The following BNIP2 variants were observed in gnomAD, a reference collection of about 807,000 sequenced individuals.
The protein encoded by BNIP2 is BCL2/adenovirus E1B 19 kDa protein-interacting protein 2.
BNIP2 carries 36 observed loss-of-function variants against 43.4 expected under a neutral mutation model. The ratio of observed to expected loss-of-function variants is 0.83; its 90% CI spans 0.64 to 1.10. The LOEUF (loss-of-function observed/expected upper bound fraction) is 1.10. Among genes scored for constraint, BNIP2 ranks in the 50% least tolerant of loss-of-function variants. The pLI, the probability that BNIP2 is intolerant of heterozygous loss-of-function variation, is 0.00. For synonymous variants in BNIP2, 146 were observed against 121.0 expected (o/e 1.21, Z -1.35); for missense variants, 417 against 374.1 (o/e 1.11, Z -0.95).
intron 1 of BNIP2, among the ~76,000 whole-genome samples, chr15:59,685,345 C>A (rs1173268312): frequency 6.6e-6 from 1 of 151,982 alleles, no homozygotes; most frequent in Non-Finnish European, 1.5e-5. Context: ...ACAAAAAATA[C>A]AAAAAATCAG....
intron 1 of BNIP2, among the ~76,000 whole-genome samples, chr15:59,683,464 C>G (rs6151476): frequency 0.026 from 3,896 of 152,206 alleles, 149 homozygotes; most frequent in African/African-American, 0.089. Context: ...TTTCTTTTTG[C>G]AGTAACATAT....
rs1892150006 is a variant in BNIP2, at chr15:59,659,707, T to C, written c.*4362A>G. On this transcript the variant is annotated 3_prime_UTR_variant, in exon 10 of 10. Coordinates refer to ENST00000607373, the MANE Select transcript of BNIP2 (RefSeq NM_004330.4). ...GCATAAAAATTTCAAAATGCAAATATTTTAACTTCTTGTTAAACATGATTC... is the reference window on the plus strand; with the variant it reads ...GCATAAAAATTTCAAAATGCAAATACTTTAACTTCTTGTTAAACATGATTC... The C allele has an allele frequency of 6.6e-6, 1 of 152,228 alleles. No individual in the cohort carries two copies. The highest frequency in any genetic ancestry group is 2.1e-4 in the South Asian group (1 of 4,832). The allele number at this position is 152,228 out of a possible 1,614,324, so 9.4% of individuals were successfully genotyped here.
At chr15:59,675,108 G>T (rs1212547002) in intron 5 of BNIP2, among the ~76,000 whole-genome samples, 2 of 151,922 alleles carry the variant, frequency 1.3e-5, no homozygotes, top group African/African-American at 4.8e-5. Flanking sequence ...AATTAGCCAG[G>T]CGTGGTGGCG....
chr15:59,689,060 C>G, intron 1 of BNIP2, 75 bp downstream of exon 1: 1 of 1,470,594 alleles, frequency 6.8e-7, no homozygotes, highest in Non-Finnish European at 9.0e-7. Context: ...ACGCGCCCGA[C>G]AGACTTTCGC....
rs1892304397 is a variant in BNIP2 at position 59,662,017 on chromosome 15, A to C, written c.*2052T>G. 1.3e-5 allele frequency: 2 copies of C among 152,186 alleles called. No individual in the cohort carries two copies. Among genetic ancestry groups the C allele is most frequent in the South Asian group, 4.1e-4 (2 of 4,824 alleles). 9.4% of individuals were successfully genotyped at this position (152,186 alleles called of 1,614,324 possible). The stretch of plus-strand genomic sequence containing the variant: ...TTAACAGAATAGTCTTCTACTTTTA[A>C]AAAAAATTCAGAAAAACATCACTTT... On this transcript the variant is annotated 3_prime_UTR_variant, in exon 10 of 10. Transcript: ENST00000607373.
intron 2 of BNIP2, among the ~76,000 whole-genome samples, chr15:59,680,822 G>C (rs1893620989): frequency 6.6e-6 from 1 of 152,134 alleles, no homozygotes; most frequent in Admixed American, 6.6e-5. Flanking sequence ...TGTTGCCCAG[G>C]CTGGTCTCAA....
chr15:59,678,694 A>C, intron 4 of BNIP2: 9 of 1,212,546 alleles, frequency 7.4e-6, no homozygotes, highest in African/African-American at 1.6e-5. Context: ...ATTGCAGTTT[A>C]GCTGATTTTC....
At chr15:59,674,254 T>C (rs963019987) in intron 5 of BNIP2, among the ~76,000 whole-genome samples, 2 of 139,030 alleles carry the variant, frequency 1.4e-5, no homozygotes, top group African/African-American at 5.4e-5. Context: ...TTCATTTCTA[T>C]TGCTTACAAA....
chr15:59,677,750 C>T (rs1351807033), intron 5 of BNIP2, 161 bp downstream of exon 5: 1 of 1,171,238 alleles, frequency 8.5e-7, no homozygotes, highest in African/African-American at 1.6e-5. Flanking sequence ...CCTCCAGGAA[C>T]TGGTTAGCAG....
chr15:59,679,044 GA>G (rs546125554), intron 4 of BNIP2, among the ~76,000 whole-genome samples: 13 of 152,048 alleles, frequency 8.5e-5, no homozygotes, highest in South Asian at 2.1e-4. Context: ...TTTCAAGATG[GA>G]AAAAAATATG....
At chr15:59,686,496 G>A (rs1029801125) in intron 1 of BNIP2, among the ~76,000 whole-genome samples, 2 of 152,102 alleles carry the variant, frequency 1.3e-5, no homozygotes, top group African/African-American at 4.8e-5. Flanking sequence ...AGTAATGACC[G>A]TTTATGCGGA....
intron 1 of BNIP2, 59 bp from the exon 2 acceptor site, chr15:59,682,573 G>T (rs1462725949): frequency 6.6e-6 from 9 of 1,356,308 alleles, no homozygotes; most frequent in Non-Finnish European, 9.2e-6. Flanking sequence ...CCACTGAAAA[G>T]GCGTAATAAT....
chr15:59,689,037 G>T, intron 1 of BNIP2, 98 bp downstream of exon 1: 1 of 1,456,726 alleles, frequency 6.9e-7, no homozygotes, highest in South Asian at 1.4e-5. Context: ...TCCTCTCCCC[G>T]GACGTCGTGG....
chr15:59,674,273 T>C (rs1280998033), intron 5 of BNIP2, among the ~76,000 whole-genome samples: 1 of 99,260 alleles, frequency 1.0e-5, no homozygotes, highest in Non-Finnish European at 2.4e-5. Context: ...AATTTGCACA[T>C]GAAAAGATTT....
intron 1 of BNIP2, among the ~76,000 whole-genome samples, chr15:59,685,637 A>G (rs1566983848): frequency 6.6e-6 from 1 of 152,224 alleles, no homozygotes; most frequent in African/African-American, 2.4e-5. Context: ...TTAATACCTC[A>G]GCACATAGAC....
At chr15:59,688,777 A>G in intron 1 of BNIP2, 7 of 1,535,708 alleles carry the variant, frequency 4.6e-6, no homozygotes, top group Non-Finnish European at 6.1e-6. Context: ...GACGCTGGTC[A>G]TAAATACTGA....
chr15:59,669,896 G>T (rs1190192171), intron 7 of BNIP2, among the ~76,000 whole-genome samples: 1 of 152,100 alleles, frequency 6.6e-6, no homozygotes, highest in African/African-American at 2.4e-5. Flanking sequence ...AATACTCTTT[G>T]TATTATGCAT....
At chr15:59,678,254 G>T in intron 4 of BNIP2, 167 bp from the exon 5 acceptor site, 2 of 1,356,508 alleles carry the variant, frequency 1.5e-6, no homozygotes, top group Non-Finnish European at 1.9e-6. Context: ...TTAACATGAG[G>T]CTGTTTTATG....
At chr15:59,669,162 T>G in intron 8 of BNIP2, 114 bp downstream of exon 8, 1 of 1,003,792 alleles carries the variant, frequency 1.0e-6, no homozygotes, top group East Asian at 2.6e-5. Flanking sequence ...ATACAATGTA[T>G]ACACATATCA....
Sources: allele counts gnomAD v4.1 joint callset (sites outside exome capture counted in the v4.1 genomes callset), GRCh38; gene constraint gnomAD v4.1.1; transcripts MANE v1.5; gene names NCBI Gene and HGNC (gene_info 2026-07-23, HGNC 2026-07-21).